AFF3: variants seen among roughly 807,000 people sequenced by gnomAD.
AFF3 encodes the protein AF4/FMR2 family member 3.
A neutral mutation model predicts 129.7 loss-of-function variants in AFF3; 32 were observed. The ratio of observed to expected loss-of-function variants is 0.25; its 90% CI spans 0.19 to 0.33. The LOEUF (loss-of-function observed/expected upper bound fraction) is 0.33, where lower values mean the gene tolerates loss of function less well. AFF3 is among the 10% of genes least tolerant of loss of function. The pLI is 1.00. For synonymous variants in AFF3, 644 were observed against 635.4 expected (o/e 1.01, Z -0.20); for missense variants, 1,373 against 1,592.0 (o/e 0.86, Z 2.34).
intron 7 of AFF3, among the ~76,000 whole-genome samples, chr2:99,940,645 T>C (rs1674948774): frequency 6.6e-6 from 1 of 152,190 alleles, no homozygotes; most frequent in Non-Finnish European, 1.5e-5. Context: ...TCCACCCTTG[T>C]TTAGCATATC....
chr2:99,867,447 G>C (rs1289240979), intron 7 of AFF3, among the ~76,000 whole-genome samples: 2 of 151,916 alleles, frequency 1.3e-5, no homozygotes, highest in Non-Finnish European at 2.9e-5. Flanking sequence ...TACGGCAGAT[G>C]AGTTTTCAGG....
At chr2:99,717,346 C>T (rs990846282) in intron 11 of AFF3, among the ~76,000 whole-genome samples, 3 of 152,174 alleles carry the variant, frequency 2.0e-5, no homozygotes, top group East Asian at 1.9e-4. Context: ...CTACTAGCAA[C>T]GCATGAGAGT....
intron 7 of AFF3, among the ~76,000 whole-genome samples, chr2:99,872,915 A>C (rs931258807): frequency 6.6e-6 from 1 of 152,206 alleles, no homozygotes; most frequent in African/African-American, 2.4e-5. Context: ...TTTTGCTTAA[A>C]AGCTCAAATT....
At chr2:99,915,782 A>G (rs949768312) in intron 7 of AFF3, among the ~76,000 whole-genome samples, 7 of 152,184 alleles carry the variant, frequency 4.6e-5, no homozygotes, top group African/African-American at 1.2e-4. Flanking sequence ...TGTTTACTGT[A>G]TTAGTCTATG....
chr2:100,024,316 T>G (rs553195459), intron 4 of AFF3, among the ~76,000 whole-genome samples: 11 of 151,568 alleles, frequency 7.3e-5, no homozygotes, highest in Non-Finnish European at 1.3e-4. Context: ...GGCTCATGCT[T>G]GTAATCCCAG....
intron 7 of AFF3, among the ~76,000 whole-genome samples, chr2:99,920,587 C>A (rs1434510546): frequency 6.6e-6 from 1 of 151,908 alleles, no homozygotes; most frequent in African/African-American, 2.4e-5. Flanking sequence ...AAATGTATAG[C>A]TAAGGGCATT....
rs1230543170 is a variant in AFF3 at position 99,606,731 on chromosome 2, G to A, written c.1185-5110C>T. Among the ~76,000 whole-genome samples, 9 of 151,812 alleles carry A rather than the reference G, an allele frequency of 5.9e-5. No individual in the cohort carries two copies. In the East Asian group the frequency reaches 1.8e-3, roughly 30 times the overall value. ...AGATCAAGACCATCCTGGCTAACATGGTGAAACCCCGTCTCTACTAAAAAT... is the reference window on the plus strand; with the variant it reads ...AGATCAAGACCATCCTGGCTAACATAGTGAAACCCCGTCTCTACTAAAAAT... On this transcript the variant is annotated intron_variant, in intron 13 of 24. Transcript: ENST00000672756.
chr2:99,793,862 C>G (rs988915044), intron 8 of AFF3, among the ~76,000 whole-genome samples: 1 of 152,140 alleles, frequency 6.6e-6, no homozygotes. Context: ...AAGGTGGAAA[C>G]TCAAGGAACC....
chr2:99,604,541 T>C (rs566183442), intron 13 of AFF3, among the ~76,000 whole-genome samples: 1 of 152,022 alleles, frequency 6.6e-6, no homozygotes. Flanking sequence ...AATATCTGAG[T>C]GATGAAATAA....
chr2:99,548,617 C>T lies in AFF3; in HGVS notation c.*2857G>A, dbSNP rs544982761. ...AATTAGCCGGGTGTGGTGGCACGTG[C>T]CTATCTTCCCAGCTGCTTGGGAGGC... is the stretch of plus-strand genomic sequence containing the variant. On this transcript the variant is annotated 3_prime_UTR_variant, in exon 25 of 25. Transcript: ENST00000672756. 20 of 205,198 alleles carry T rather than the reference C, an allele frequency of 9.7e-5. No individual in the cohort carries two copies. Among genetic ancestry groups the T allele is most frequent in the Admixed American group, 1.8e-4 (3 of 16,744 alleles). The allele number at this position is 205,198 out of a possible 1,614,324, so 12.7% of individuals were successfully genotyped here.
At chr2:99,638,740 AG>A (rs2105470979) in intron 13 of AFF3, among the ~76,000 whole-genome samples, 1 of 152,362 alleles carries the variant, frequency 6.6e-6, no homozygotes, top group South Asian at 2.1e-4. Context: ...TGGCATCTGC[AG>A]GATGTTTGCT....
rs1674095815 is a variant in AFF3, at chr2:99,546,980, ATGTG to A, written c.*4490_*4493del. 4.5e-6 allele frequency: 1 copy of A among 221,036 alleles called. No individual in the cohort carries two copies. The highest frequency in any genetic ancestry group is 1.8e-4 in the South Asian group (1 of 5,428). 13.7% of individuals were successfully genotyped at this position (221,036 alleles called of 1,614,324 possible). A position where few individuals can be genotyped will look rare whatever the true frequency, so the allele number is the denominator to read the frequency against. On this transcript the variant is annotated 3_prime_UTR_variant, in exon 25 of 25. Transcript: ENST00000672756. ...CATGCATGTGCGCGCGTGTGTGCGT[ATGTG>A]TATGTATCAGGAAATAGCAAAGACA...
At chr2:99,813,338 T>G (rs1470376691) in intron 8 of AFF3, among the ~76,000 whole-genome samples, 1 of 152,236 alleles carries the variant, frequency 6.6e-6, no homozygotes, top group African/African-American at 2.4e-5. Flanking sequence ...ATACCAGTTT[T>G]ATTCAAAAGC....
intron 7 of AFF3, among the ~76,000 whole-genome samples, chr2:99,940,220 G>C (rs142592620): frequency 6.6e-6 from 1 of 152,254 alleles, no homozygotes; most frequent in African/African-American, 2.4e-5. Flanking sequence ...GGATTATAAA[G>C]TACTTCACAC....
At chr2:99,847,485 C>T (rs1320282583) in intron 7 of AFF3, among the ~76,000 whole-genome samples, 1 of 151,976 alleles carries the variant, frequency 6.6e-6, no homozygotes, top group Non-Finnish European at 1.5e-5. Context: ...ACTGGTGTTG[C>T]TTTACTGTTA....
intron 1 of AFF3, among the ~76,000 whole-genome samples, chr2:100,142,266 T>C (rs892729163): frequency 2.6e-5 from 4 of 151,814 alleles, no homozygotes; most frequent in African/African-American, 9.7e-5. Context: ...AGTGACCAAC[T>C]TTGGTCACAT....
rs1445637974 is a variant in AFF3 at position 99,549,151 on chromosome 2, C to T, written c.*2323G>A. 1.4e-5 allele frequency: 3 copies of T among 221,610 alleles called. No individual in the cohort carries two copies. The highest frequency in any genetic ancestry group is 2.2e-5 in the African/African-American group (1 of 44,608). The allele number at this position is 221,610 out of a possible 1,614,324, so 13.7% of individuals were successfully genotyped here. A position where few individuals can be genotyped will look rare whatever the true frequency, so the allele number is the denominator to read the frequency against. Reference sequence around the variant, plus strand: ...ATGCAGGATAGACCTCCAGGGCCATCCCTTTATGTGTTTGAATATTTCATC... The same window carrying T: ...ATGCAGGATAGACCTCCAGGGCCATTCCTTTATGTGTTTGAATATTTCATC... On this transcript the variant is annotated 3_prime_UTR_variant, in exon 25 of 25. Coordinates refer to ENST00000672756, the MANE Select transcript of AFF3 (RefSeq NM_001386135.1).
intron 8 of AFF3, among the ~76,000 whole-genome samples, chr2:99,769,976 A>T (rs1031149255): frequency 6.6e-6 from 1 of 152,182 alleles, no homozygotes; most frequent in Non-Finnish European, 1.5e-5. Flanking sequence ...AGTCTTACCC[A>T]AGGCCACTCC....
intron 11 of AFF3, among the ~76,000 whole-genome samples, chr2:99,694,358 G>C (rs1188081802): frequency 6.6e-6 from 1 of 152,074 alleles, no homozygotes; most frequent in Non-Finnish European, 1.5e-5. Context: ...GTAAAGACAG[G>C]GGCACATTTG....
Sources: allele counts gnomAD v4.1 joint callset (sites outside exome capture counted in the v4.1 genomes callset), GRCh38; gene constraint gnomAD v4.1.1; transcripts MANE v1.5; gene names NCBI Gene and HGNC (gene_info 2026-07-23, HGNC 2026-07-21).